MTX2: variants seen among roughly 807,000 people sequenced by gnomAD.
The protein encoded by MTX2 is metaxin-2.
MTX2 carries 35 observed loss-of-function variants against 42.3 expected under a neutral mutation model. The ratio of observed to expected loss-of-function variants is 0.83; its 90% confidence interval spans 0.63 to 1.10. The LOEUF (loss-of-function observed/expected upper bound fraction) is 1.10, where lower values mean the gene tolerates loss of function less well. Ranked by LOEUF, MTX2 falls within the 50% of genes least tolerant of loss-of-function variation. The probability of loss-of-function intolerance (pLI) is 0.00; values close to 1 mark genes in which losing one functional copy is unlikely to be tolerated. For synonymous variants in MTX2, 119 were observed against 100.9 expected (o/e 1.18, Z -1.08); for missense variants, 307 against 304.1 (o/e 1.01, Z -0.07).
At chr2:176,270,316 G>T (rs1395692055) in intron 1 of MTX2, 6 of 1,323,348 alleles carry the variant, frequency 4.5e-6, no homozygotes, top group Non-Finnish European at 6.0e-6. Flanking sequence ...GATTACAGGC[G>T]CCCGCCACCA....
chr2:176,336,903 A>G (rs1038430156), intron 9 of MTX2, among the ~76,000 whole-genome samples: 1 of 152,116 alleles, frequency 6.6e-6, no homozygotes, highest in African/African-American at 2.4e-5. Context: ...TTGTTCCGGG[A>G]CCCCCACAGA....
intron 1 of MTX2, among the ~76,000 whole-genome samples, chr2:176,293,621 A>G (rs922372552): frequency 4.6e-5 from 7 of 152,004 alleles, no homozygotes; most frequent in Non-Finnish European, 1.0e-4. Context: ...TGTGTGTGAC[A>G]CCTGCTCCCC....
intron 3 of MTX2, among the ~76,000 whole-genome samples, chr2:176,315,184 C>T (rs965314447): frequency 1.3e-5 from 2 of 152,126 alleles, no homozygotes; most frequent in Admixed American, 6.6e-5. Flanking sequence ...ATTCATTTCT[C>T]GTCAGAAGTC....
intron 3 of MTX2, among the ~76,000 whole-genome samples, chr2:176,298,477 T>C (rs1683946132): frequency 6.6e-6 from 1 of 152,114 alleles, no homozygotes; most frequent in Middle Eastern, 3.2e-3. Context: ...CAAAAAAAAT[T>C]AGTGCCCCTG....
chr2:176,289,764 TAAA>T (rs1693287397), intron 1 of MTX2, among the ~76,000 whole-genome samples: 1 of 152,100 alleles, frequency 6.6e-6, no homozygotes. Context: ...AATTAATTTC[TAAA>T]AGGTGGGTAG....
rs776346066 is a variant in MTX2, at chr2:176,323,395, T to G, written c.139T>G (p.Phe47Val). The G allele has an allele frequency of 6.2e-7, 1 of 1,610,724 alleles. No homozygotes were observed. Among genetic ancestry groups the G allele is most frequent in the South Asian group, 1.1e-5 (1 of 90,902 alleles). The change falls in exon 4 of 10, where the codon TTT (phenylalanine) becomes GTT (valine). Residue 47 changes from phenylalanine (F) to valine (V), a missense_variant. Coordinates refer to ENST00000249442, the MANE Select transcript of MTX2 (RefSeq NM_006554.5). ...DNAASLAVQA[F>V]LQMCNLPIKV... is the part of the protein sequence containing the mutation. ...TTGTATGTATCTTGATTTACAGGCCTTTTTGCAAATGTGTAACTTGCCTAT... is the reference window on the plus strand; with the variant it reads ...TTGTATGTATCTTGATTTACAGGCCGTTTTGCAAATGTGTAACTTGCCTAT...
At chr2:176,297,081 A>G (rs1395058225) in intron 2 of MTX2, among the ~76,000 whole-genome samples, 174 bp downstream of exon 2, 2 of 152,170 alleles carry the variant, frequency 1.3e-5, no homozygotes, top group African/African-American at 4.8e-5. Context: ...TAAACCAACT[A>G]TTCATGGCCT....
chr2:176,337,906 G>A lies in MTX2; in HGVS notation c.*242G>A, dbSNP rs1181155279. On this transcript the variant is annotated 3_prime_UTR_variant, in exon 10 of 10. Coordinates refer to ENST00000249442, the MANE Select transcript of MTX2 (RefSeq NM_006554.5). ...ATTTTTGTTTCCTTGAAACATGCAT[G>A]CATTTAAAAATAAAGCTTAAACAAC... 7.1e-6 allele frequency: 2 copies of A among 283,070 alleles called. No individual in the cohort carries two copies. Among genetic ancestry groups the A allele is most frequent in the Non-Finnish European group, 6.5e-6 (1 of 154,334 alleles). The allele number at this position is 283,070 out of a possible 1,614,324, so 17.5% of individuals were successfully genotyped here. A position where few individuals can be genotyped will look rare whatever the true frequency, so the allele number is the denominator to read the frequency against.
intron 3 of MTX2, among the ~76,000 whole-genome samples, chr2:176,307,443 G>A (rs1386795826): frequency 1.3e-5 from 2 of 152,170 alleles, no homozygotes; most frequent in African/African-American, 2.4e-5. Context: ...TGTGAAAAAA[G>A]TCATTGGTAG....
At chr2:176,314,427 ACT>A (rs1248074362) in intron 3 of MTX2, among the ~76,000 whole-genome samples, 6 of 149,614 alleles carry the variant, frequency 4.0e-5, no homozygotes, top group African/African-American at 1.5e-4. Flanking sequence ...ACAGAGCAAG[ACT>A]CTGTCTCAAA....
At chr2:176,309,764 T>C (rs1684251813) in intron 3 of MTX2, among the ~76,000 whole-genome samples, 1 of 149,158 alleles carries the variant, frequency 6.7e-6, no homozygotes, top group South Asian at 2.2e-4. Flanking sequence ...TTGGTAGATC[T>C]TCCCCCATCC....
At chr2:176,272,084 A>G (rs1692827635) in intron 1 of MTX2, among the ~76,000 whole-genome samples, 1 of 152,212 alleles carries the variant, frequency 6.6e-6, no homozygotes, top group Admixed American at 6.5e-5. Flanking sequence ...AGGAAACCCT[A>G]TCATTTGTGA....
At chr2:176,277,235 C>T (rs1056244761) in intron 1 of MTX2, among the ~76,000 whole-genome samples, 2 of 152,044 alleles carry the variant, frequency 1.3e-5, no homozygotes, top group Admixed American at 6.5e-5. Context: ...AGAAGAGTTC[C>T]AGAGGCTAAA....
chr2:176,318,736 G>C (rs528548193), intron 3 of MTX2, among the ~76,000 whole-genome samples: 1 of 152,316 alleles, frequency 6.6e-6, no homozygotes, highest in South Asian at 2.1e-4. Flanking sequence ...GATGATGTCA[G>C]CCTCTCTTGC....
intron 3 of MTX2, among the ~76,000 whole-genome samples, chr2:176,300,071 T>C (rs922246521): frequency 6.6e-6 from 1 of 152,016 alleles, no homozygotes; most frequent in Non-Finnish European, 1.5e-5. Flanking sequence ...TAGTATAGCA[T>C]GTTTCTCTGG....
intron 4 of MTX2, 69 bp downstream of exon 4, chr2:176,323,533 G>T: frequency 7.3e-7 from 1 of 1,367,750 alleles, no homozygotes; most frequent in Non-Finnish European, 1.0e-6. Flanking sequence ...AGTCCAGTTT[G>T]TATCTACATG....
At chr2:176,318,778 T>C (rs546829818) in intron 3 of MTX2, among the ~76,000 whole-genome samples, 1 of 152,342 alleles carries the variant, frequency 6.6e-6, no homozygotes, top group East Asian at 1.9e-4. Flanking sequence ...ATTACTGTTG[T>C]TATATATCCA....
intron 1 of MTX2, among the ~76,000 whole-genome samples, chr2:176,294,463 T>C (rs1280909061): frequency 6.6e-6 from 1 of 152,044 alleles, no homozygotes; most frequent in Non-Finnish European, 1.5e-5. Flanking sequence ...TTTGTATTTT[T>C]AGTGGAGATG....
intron 1 of MTX2, among the ~76,000 whole-genome samples, chr2:176,279,279 A>G (rs1295831234): frequency 2.0e-5 from 3 of 152,126 alleles, no homozygotes; most frequent in Non-Finnish European, 4.4e-5. Context: ...TTACCCCCAC[A>G]TCATATTTTA....
Sources: gnomAD v4.1 joint callset for allele counts (sites outside exome capture counted in the v4.1 genomes callset) on GRCh38, gnomAD v4.1.1 for gene constraint, MANE v1.5 for transcripts, NCBI Gene and HGNC (gene_info 2026-07-23, HGNC 2026-07-21) for gene names.